The following XPO6 variants were observed in gnomAD, a reference collection of about 807,000 sequenced individuals.
XPO6 encodes the protein exportin-6.
In XPO6, 3 loss-of-function variants were observed where a neutral mutation model predicts 130.0. The ratio of observed to expected loss-of-function variants is 0.02; its 90% CI spans 0.01 to 0.06. The LOEUF (loss-of-function observed/expected upper bound fraction) is 0.06. Among genes scored for constraint, XPO6 ranks in the 10% least tolerant of loss-of-function variants. XPO6 has a pLI of 1.00. For missense variants in XPO6, 970 were observed against 1,393.0 expected, an observed-to-expected ratio of 0.70 and a Z score of 4.83; for synonymous variants, 524 against 548.9, an observed-to-expected ratio of 0.95 and a Z score of 0.63.
intron 13 of XPO6, 106 bp downstream of exon 13, chr16:28,125,583 C>T (rs2087377835): frequency 5.6e-6 from 8 of 1,423,982 alleles, no homozygotes; most frequent in Non-Finnish European, 7.6e-6. Flanking sequence ...CCTAGATTTA[C>T]CCGGGGCCAG....
At chr16:28,199,380 T>A (rs2043919304) in intron 1 of XPO6, among the ~76,000 whole-genome samples, 1 of 152,116 alleles carries the variant, frequency 6.6e-6, no homozygotes, top group Non-Finnish European at 1.5e-5. Context: ...GTTCAAGCAA[T>A]TCTCCCACCT....
At chr16:28,162,298 T>C (rs1055003642) in intron 6 of XPO6, among the ~76,000 whole-genome samples, 1 of 152,236 alleles carries the variant, frequency 6.6e-6, no homozygotes, top group Admixed American at 6.5e-5. Flanking sequence ...CAAGGTATTT[T>C]AGTGGATGGC....
intron 1 of XPO6, among the ~76,000 whole-genome samples, chr16:28,194,967 ATCTAGAATGCT>A (rs1276368969): frequency 2.1e-5 from 3 of 144,746 alleles, no homozygotes; most frequent in Non-Finnish European, 4.5e-5. Context: ...CATTTCCTCT[ATCTAGAATGCT>A]CCTGACTCCT....
rs1425789940 is a variant in XPO6, at chr16:28,180,977, G to C, written c.58C>G (p.His20Asp). The part of the protein sequence containing the change: ...ALESLMTEFF[H>D]DCTTNERKRE... ...TTTCTTTCATTGGTTGTACAATCGT[G>C]AAAAAATTCTGTCATCAGACTTTCC... is the stretch of plus-strand genomic sequence containing the variant. Residue 20 changes from histidine to aspartate, a missense_variant, in exon 2 of 24, where the codon CAC becomes GAC. Around this residue, in one of 4 missense-constraint regions of XPO6, gnomAD observed 21 missense variants for 34.8 expected, o/e 0.60. Coordinates refer to ENST00000304658, the MANE Select transcript of XPO6 (RefSeq NM_015171.4). 3.1e-6 allele frequency: 5 copies of C among 1,613,456 alleles called. No individual in the cohort carries two copies. In the South Asian group the frequency reaches 5.5e-5, roughly 18 times the overall value.
chr16:28,181,125 TTTAC>T, intron 1 of XPO6, 94 bp from the exon 2 acceptor site: 1 of 899,988 alleles, frequency 1.1e-6, no homozygotes, highest in Non-Finnish European at 1.7e-6. Context: ...GCAAGAGCAA[TTTAC>T]TTCCTCAAAA....
intron 13 of XPO6, among the ~76,000 whole-genome samples, chr16:28,124,908 GTGTCT>G: frequency 6.6e-6 from 1 of 152,200 alleles, no homozygotes; most frequent in South Asian, 2.1e-4. Context: ...GAAGCATCAG[GTGTCT>G]TGGCTTTGGG....
At chr16:28,193,887 A>G (rs1396853721) in intron 1 of XPO6, among the ~76,000 whole-genome samples, 1 of 152,138 alleles carries the variant, frequency 6.6e-6, no homozygotes, top group African/African-American at 2.4e-5. Flanking sequence ...GACTGACCAG[A>G]AATCCAACAC....
At chr16:28,098,680 G>A (rs2086586451) in intron 23 of XPO6, 41 bp from the exon 24 acceptor site, 7 of 1,498,282 alleles carry the variant, frequency 4.7e-6, no homozygotes, top group Admixed American at 1.7e-5. Flanking sequence ...AACACACCAG[G>A]TCACCCACCC....
intron 15 of XPO6, among the ~76,000 whole-genome samples, chr16:28,115,115 C>T (rs1325844620): frequency 1.3e-5 from 2 of 152,132 alleles, no homozygotes; most frequent in Non-Finnish European, 2.9e-5. Flanking sequence ...GGCTGGGAAC[C>T]AACTTCTTCC....
chr16:28,113,079 A>G, intron 15 of XPO6, 29 bp from the exon 16 acceptor site: 6 of 1,605,470 alleles, frequency 3.7e-6, no homozygotes, highest in Non-Finnish European at 5.1e-6. Flanking sequence ...ACGTCAGCTC[A>G]CCACATCCCT....
chr16:28,147,006 A>G (rs1043137960), intron 8 of XPO6, among the ~76,000 whole-genome samples: 2 of 152,196 alleles, frequency 1.3e-5, no homozygotes, highest in African/African-American at 4.8e-5. Flanking sequence ...CCAAACCCTG[A>G]TATCTCCACT....
chr16:28,127,106 G>A (rs1483307182), intron 12 of XPO6, among the ~76,000 whole-genome samples: 1 of 152,172 alleles, frequency 6.6e-6, no homozygotes, highest in Non-Finnish European at 1.5e-5. Flanking sequence ...TAAAAGGGGA[G>A]AGCCTAGACT....
intron 3 of XPO6, among the ~76,000 whole-genome samples, chr16:28,176,895 G>A (rs897335655): frequency 6.6e-6 from 1 of 152,030 alleles, no homozygotes; most frequent in African/African-American, 2.4e-5. Flanking sequence ...GGGGATGATG[G>A]TATTATGGTT....
At chr16:28,099,943 G>C (rs2086620531) in intron 23 of XPO6, among the ~76,000 whole-genome samples, 1 of 152,158 alleles carries the variant, frequency 6.6e-6, no homozygotes, top group South Asian at 2.1e-4. Flanking sequence ...GAACACAGAA[G>C]TCTGTTTCTC....
chr16:28,163,047 T>C (rs761100148), intron 6 of XPO6, among the ~76,000 whole-genome samples: 4 of 152,264 alleles, frequency 2.6e-5, no homozygotes, highest in Admixed American at 6.5e-5. Context: ...TAGATGCCAA[T>C]AGCACTTCTC....
chr16:28,135,329 G>T lies in XPO6; in HGVS notation c.1335-5C>A, dbSNP rs1392062409. 1 of 1,612,232 alleles carries T rather than the reference G, an allele frequency of 6.2e-7. No individual in the cohort carries two copies. The highest frequency in any genetic ancestry group is 1.3e-5 in the African/African-American group (1 of 74,868). On this transcript the variant is annotated splice_polypyrimidine_tract_variant and splice_region_variant and intron_variant, in intron 9 of 23. Coordinates refer to ENST00000304658, the MANE Select transcript of XPO6 (RefSeq NM_015171.4). ...AGCACCAGGGCATCTTCGTACCTAT[G>T]TGGCAGGGAGAAATTCAACATTGAA...
At chr16:28,150,183 C>T (rs1331633667) in intron 8 of XPO6, among the ~76,000 whole-genome samples, 1 of 152,104 alleles carries the variant, frequency 6.6e-6, no homozygotes, top group Admixed American at 6.6e-5. Context: ...CAAAGACATA[C>T]CTACTCCCAC....
intron 13 of XPO6, among the ~76,000 whole-genome samples, chr16:28,124,261 T>C (rs550954355): frequency 6.6e-6 from 1 of 152,252 alleles, no homozygotes; most frequent in Non-Finnish European, 1.5e-5. Flanking sequence ...TTTCATCATA[T>C]TGGTTAGGCT....
At chr16:28,162,847 A>G (rs930539666) in intron 6 of XPO6, among the ~76,000 whole-genome samples, 6 of 152,150 alleles carry the variant, frequency 3.9e-5, no homozygotes, top group Non-Finnish European at 5.9e-5. Flanking sequence ...CTAAGCCACC[A>G]TGCCCAGCCC....
Sources: allele counts gnomAD v4.1 joint callset (sites outside exome capture counted in the v4.1 genomes callset), GRCh38; gene constraint gnomAD v4.1.1; regional missense constraint gnomAD v4.1.1; transcripts MANE v1.5; gene names NCBI Gene and HGNC (gene_info 2026-07-23, HGNC 2026-07-21).